Variants in DLGAP2 observed in about 807,000 individuals in gnomAD.
DLGAP2 encodes DLG associated protein 2, also known as disks large-associated protein 2.
Under a neutral mutation model 100.3 loss-of-function variants are expected in DLGAP2, and 26 were observed. The observed-to-expected ratio is 0.26, with a 90% CI of 0.19 to 0.36. The LOEUF (loss-of-function observed/expected upper bound fraction) is 0.36. Ranked by LOEUF, DLGAP2 falls within the 10% of genes least tolerant of loss-of-function variation. The pLI, the probability that DLGAP2 is intolerant of heterozygous loss-of-function variation, is 1.00. For synonymous variants in DLGAP2, 886 were observed against 630.1 expected (o/e 1.41, Z -6.08); for missense variants, 1,858 against 1,453.2 (o/e 1.28, Z -4.53).
At chr8:1,223,720 A>G (rs999246014) in intron 2 of DLGAP2, among the ~76,000 whole-genome samples, 112 of 152,298 alleles carry the variant, frequency 7.4e-4, no homozygotes, top group African/African-American at 2.6e-3. Context: ...GCCATTATGG[A>G]GGGTTCTGTG....
chr8:1,421,450 G>A (rs1797085327), intron 3 of DLGAP2, among the ~76,000 whole-genome samples: 1 of 152,070 alleles, frequency 6.6e-6, no homozygotes, highest in Non-Finnish European at 1.5e-5. Flanking sequence ...TTAATATACA[G>A]GCCAACACAA....
chr8:1,620,487 T>C (rs1797297278), intron 6 of DLGAP2: 1 of 152,324 alleles, frequency 6.6e-6, no homozygotes, highest in Non-Finnish European at 1.5e-5. Context: ...ACTTGCTCTG[T>C]TCTTTCACAG....
intron 3 of DLGAP2, among the ~76,000 whole-genome samples, chr8:1,490,474 A>C (rs1799347650): frequency 6.6e-6 from 1 of 152,220 alleles, no homozygotes; most frequent in East Asian, 1.9e-4. Context: ...TCTATCCAGA[A>C]AGCATGTTGT....
At chr8:1,177,188 C>G (rs1257689491) in intron 2 of DLGAP2, among the ~76,000 whole-genome samples, 1 of 152,144 alleles carries the variant, frequency 6.6e-6, no homozygotes, top group Non-Finnish European at 1.5e-5. Flanking sequence ...TGCTGGGGCC[C>G]TTACATCTTT....
intron 2 of DLGAP2, among the ~76,000 whole-genome samples, chr8:1,206,614 A>G (rs113172688): frequency 8.9e-4 from 60 of 67,326 alleles, no homozygotes; most frequent in African/African-American, 3.5e-3. Context: ...CCATCCGTGG[A>G]CTGGGGTAGA....
intron 3 of DLGAP2, among the ~76,000 whole-genome samples, chr8:1,267,637 G>GAAATAAAATAAAA (rs1382093781): frequency 0.073 from 6,727 of 91,560 alleles, 937 homozygotes; most frequent in Middle Eastern, 0.13. Flanking sequence ...TATTAAATAG[G>GAAATAAAATAAAA]TCTACAAAAA....
chr8:1,211,839 C>A (rs566623834), intron 2 of DLGAP2, among the ~76,000 whole-genome samples: 92 of 152,336 alleles, frequency 6.0e-4, no homozygotes, highest in African/African-American at 2.1e-3. Context: ...CGTGCCATTG[C>A]ACTCCAGCCT....
intron 1 of DLGAP2, among the ~76,000 whole-genome samples, chr8:761,163 G>GA: frequency 6.6e-6 from 1 of 152,230 alleles, no homozygotes. Context: ...CTGGCTTGGG[G>GA]GGCCAGGCCC....
At chr8:1,595,412 C>G (rs1796420677) in intron 6 of DLGAP2, among the ~76,000 whole-genome samples, 1 of 151,892 alleles carries the variant, frequency 6.6e-6, no homozygotes, top group African/African-American at 2.4e-5. Context: ...GCCTGTAATC[C>G]CAGCACTTTG....
At chr8:773,245 G>A (rs1249522824) in intron 1 of DLGAP2, among the ~76,000 whole-genome samples, 1 of 152,030 alleles carries the variant, frequency 6.6e-6, no homozygotes, top group Non-Finnish European at 1.5e-5. Context: ...GTTTTCACAT[G>A]GTCTCTGGTG....
chr8:1,127,262 G>T (rs962220031), intron 2 of DLGAP2, among the ~76,000 whole-genome samples: 2 of 151,680 alleles, frequency 1.3e-5, no homozygotes, highest in Non-Finnish European at 2.9e-5. Flanking sequence ...TTTGTAGCTG[G>T]GCTCATTGGG....
rs570395907 is a variant in DLGAP2, at chr8:1,557,150, A to G, written c.1230+7467A>G. 6.6e-4 allele frequency among the ~76,000 whole-genome samples: 100 copies of G among 152,314 alleles called. No homozygotes were observed. The South Asian group carries it at 8.7e-3, about 13-fold the overall frequency. On this transcript the variant is annotated intron_variant, in intron 5 of 14. Coordinates refer to ENST00000637795, the MANE Select transcript of DLGAP2 (RefSeq NM_001346810.2). ...GAAGCACCCCCATTTAGTGACAACC[A>G]AACATATCTCCAGATGTCACCAAAT...
intron 2 of DLGAP2, among the ~76,000 whole-genome samples, chr8:1,128,507 G>A (rs1431272449): frequency 6.6e-6 from 1 of 152,198 alleles, no homozygotes; most frequent in African/African-American, 2.4e-5. Context: ...AGGACTCAGC[G>A]CGGTCACATG....
chr8:982,883 A>AT (rs35686773), intron 2 of DLGAP2, among the ~76,000 whole-genome samples: 49,267 of 117,006 alleles, frequency 0.42, 10,292 homozygotes, highest in Middle Eastern at 0.48. Flanking sequence ...TAAAGGTAGG[A>AT]TTTTTTTTTT....
intron 2 of DLGAP2, among the ~76,000 whole-genome samples, chr8:1,012,285 C>G (rs1801312052): frequency 6.6e-6 from 1 of 152,358 alleles, no homozygotes; most frequent in Non-Finnish European, 1.5e-5. Context: ...GTAGTCCTGT[C>G]TGTTGCACGG....
At chr8:896,511 A>G (rs951525681) in intron 1 of DLGAP2, among the ~76,000 whole-genome samples, 1 of 152,088 alleles carries the variant, frequency 6.6e-6, no homozygotes, top group Non-Finnish European at 1.5e-5. Context: ...TGGACTGAAC[A>G]TGTCCCCCCA....
intron 2 of DLGAP2, among the ~76,000 whole-genome samples, chr8:1,195,998 C>T (rs1161970177): frequency 6.6e-6 from 1 of 152,196 alleles, no homozygotes; most frequent in East Asian, 1.9e-4. Flanking sequence ...GGGATGCTCA[C>T]GTTCGTGAGC....
intron 6 of DLGAP2, among the ~76,000 whole-genome samples, chr8:1,585,992 C>T (rs1253821683): frequency 2.6e-5 from 4 of 152,358 alleles, no homozygotes; most frequent in Admixed American, 6.5e-5. Context: ...TCCCACTGCA[C>T]GCATTACTGT....
chr8:1,513,009 T>C (rs1800226204), intron 4 of DLGAP2, among the ~76,000 whole-genome samples: 1 of 152,092 alleles, frequency 6.6e-6, no homozygotes, highest in South Asian at 2.1e-4. Flanking sequence ...GCATCTGCCT[T>C]TCCCAGTGCA....
Sources: allele counts gnomAD v4.1 joint callset (sites outside exome capture counted in the v4.1 genomes callset), GRCh38; gene constraint gnomAD v4.1.1; transcripts MANE v1.5; gene names NCBI Gene and HGNC (gene_info 2026-07-23, HGNC 2026-07-21).